RARB: variants seen among roughly 807,000 people sequenced by gnomAD.
RARB encodes the protein HBV-activated protein.
A neutral mutation model predicts 51.9 loss-of-function variants in RARB; 17 were observed. The ratio of observed to expected loss-of-function variants is 0.33; its 90% CI spans 0.22 to 0.49. RARB has a LOEUF of 0.49. RARB is among the 20% of genes least tolerant of loss of function. The pLI, the probability that RARB is intolerant of heterozygous loss-of-function variation, is 0.99. For synonymous variants in RARB, 215 were observed against 195.4 expected (o/e 1.10, Z -0.84); for missense variants, 369 against 550.8 (o/e 0.67, Z 3.30).
intron 2 of RARB, among the ~76,000 whole-genome samples, chr3:24,935,431 A>G (rs1285868853): frequency 2.0e-5 from 3 of 152,082 alleles, no homozygotes; most frequent in African/African-American, 4.8e-5. Context: ...AATCTATCCT[A>G]TTTCAGCTCT....
intron 2 of RARB, among the ~76,000 whole-genome samples, chr3:24,925,655 T>TAAA (rs34972309): frequency 0.028 from 2,941 of 104,664 alleles, 107 homozygotes; most frequent in East Asian, 0.14. Flanking sequence ...TTTTTTTTTT[T>TAAA]AAAAAAAAAA....
intron 3 of RARB, among the ~76,000 whole-genome samples, chr3:25,532,673 G>A (rs898908215): frequency 1.3e-5 from 2 of 152,198 alleles, no homozygotes; most frequent in African/African-American, 4.8e-5. Context: ...TCCAGGAAGA[G>A]GAGCTAAATA....
At chr3:24,947,992 A>T (rs1014558450) in intron 2 of RARB, among the ~76,000 whole-genome samples, 1 of 151,884 alleles carries the variant, frequency 6.6e-6, no homozygotes. Context: ...ATGTAGCTCT[A>T]TGAGCTCTCT....
At chr3:25,347,873 G>A (rs1705441463) in intron 5 of RARB, among the ~76,000 whole-genome samples, 1 of 152,204 alleles carries the variant, frequency 6.6e-6, no homozygotes, top group Admixed American at 6.5e-5. Flanking sequence ...CACTGGTGAT[G>A]TTGCAGGAGT....
At chr3:25,186,885 C>CTG (rs71057702) in intron 5 of RARB, among the ~76,000 whole-genome samples, 19,406 of 113,940 alleles carry the variant, frequency 0.17, 1,725 homozygotes, top group Admixed American at 0.2. Context: ...AAAGGTAAGC[C>CTG]TGTGTGTGTG....
chr3:25,209,068 C>T (rs1027274948), intron 5 of RARB, among the ~76,000 whole-genome samples: 3 of 152,232 alleles, frequency 2.0e-5, no homozygotes, highest in Admixed American at 1.3e-4. Context: ...GAAGACGTGT[C>T]ACCTATTCTC....
chr3:25,437,403 A>G (rs922001157), intron 1 of RARB, among the ~76,000 whole-genome samples: 10 of 152,182 alleles, frequency 6.6e-5, no homozygotes, highest in Non-Finnish European at 1.5e-4. Context: ...TAGTTTTTGC[A>G]ACGTGCCATT....
At chr3:25,565,466 TG>T (rs1206107475) in intron 3 of RARB, among the ~76,000 whole-genome samples, 1 of 152,228 alleles carries the variant, frequency 6.6e-6, no homozygotes, top group Non-Finnish European at 1.5e-5. Context: ...TTACTGTCAC[TG>T]TTTTATTGTA....
At chr3:25,244,285 T>A (rs997467212) in intron 5 of RARB, among the ~76,000 whole-genome samples, 4 of 151,712 alleles carry the variant, frequency 2.6e-5, no homozygotes, top group African/African-American at 7.3e-5. Flanking sequence ...TTTTTTTTTT[T>A]TTGAAGAGTT....
At chr3:25,029,857 A>T (rs1440552681) in intron 2 of RARB, among the ~76,000 whole-genome samples, 2 of 152,226 alleles carry the variant, frequency 1.3e-5, no homozygotes, top group African/African-American at 4.8e-5. Flanking sequence ...GAAATCCTTT[A>T]GTTGCATTTA....
At chr3:25,460,573 G>A (rs1225712303) in intron 1 of RARB, among the ~76,000 whole-genome samples, 2 of 151,698 alleles carry the variant, frequency 1.3e-5, no homozygotes, top group African/African-American at 4.8e-5. Context: ...TCAGCCTCCT[G>A]AGTAGCTGGG....
intron 5 of RARB, among the ~76,000 whole-genome samples, chr3:25,582,950 G>A (rs1342627931): frequency 6.6e-6 from 1 of 152,210 alleles, no homozygotes; most frequent in Non-Finnish European, 1.5e-5. Flanking sequence ...TAGGTACTTA[G>A]CCAATGATGT....
chr3:25,312,063 T>C (rs1359280475), intron 5 of RARB, among the ~76,000 whole-genome samples: 4 of 152,010 alleles, frequency 2.6e-5, no homozygotes, highest in African/African-American at 9.7e-5. Flanking sequence ...GGGAGATGAG[T>C]TGTTTCCTGC....
chr3:25,471,288 C>T (rs1695676951), intron 2 of RARB, among the ~76,000 whole-genome samples: 1 of 152,128 alleles, frequency 6.6e-6, no homozygotes, highest in South Asian at 2.1e-4. Flanking sequence ...CTCTTAAGAA[C>T]TAGTGCCTGG....
At chr3:25,151,731 A>G (rs1343260524) in intron 4 of RARB, among the ~76,000 whole-genome samples, 1 of 152,206 alleles carries the variant, frequency 6.6e-6, no homozygotes, top group African/African-American at 2.4e-5. Context: ...GGGCGGAACA[A>G]TAAGTGGATG....
chr3:25,213,356 A>G (rs1262852748), intron 5 of RARB, among the ~76,000 whole-genome samples: 2 of 151,672 alleles, frequency 1.3e-5, no homozygotes, highest in East Asian at 1.9e-4. Flanking sequence ...GCTCAATTTT[A>G]TGTTTTTGGG....
At chr3:25,190,009 T>C (rs1044453289) in intron 5 of RARB, among the ~76,000 whole-genome samples, 15 of 152,080 alleles carry the variant, frequency 9.9e-5, no homozygotes, top group African/African-American at 3.6e-4. Context: ...AATGAAGTAA[T>C]GTTTAGGAGA....
At chr3:25,561,806 G>GT (rs1452828886) in intron 3 of RARB, among the ~76,000 whole-genome samples, 3 of 152,156 alleles carry the variant, frequency 2.0e-5, no homozygotes, top group Non-Finnish European at 4.4e-5. Flanking sequence ...GATAGAGACT[G>GT]TTATTTAATA....
chr3:24,962,241 T>G (rs939442598), intron 2 of RARB, among the ~76,000 whole-genome samples: 1 of 152,006 alleles, frequency 6.6e-6, no homozygotes, highest in Non-Finnish European at 1.5e-5. Context: ...TTTGGGTGTC[T>G]TTTAAAGAAT....
Sources: allele counts gnomAD v4.1 joint callset (sites outside exome capture counted in the v4.1 genomes callset), GRCh38; gene constraint gnomAD v4.1.1; transcripts MANE v1.5; gene names NCBI Gene and HGNC (gene_info 2026-07-23, HGNC 2026-07-21).